SLC35E3: variants seen among roughly 807,000 people sequenced by gnomAD.
SLC35E3 encodes the protein bladder cancer-overexpressed gene 1 protein.
SLC35E3 carries 28 observed loss-of-function variants against 30.8 expected under a neutral mutation model. That is an observed-to-expected ratio of 0.91 (90% CI 0.67 to 1.25). SLC35E3 has a LOEUF of 1.25. Ranked by LOEUF, SLC35E3 falls within the 50% of genes most tolerant of loss-of-function variation. SLC35E3 has a pLI of 0.00. For missense variants in SLC35E3, 365 were observed against 375.4 expected, an observed-to-expected ratio of 0.97 and a Z score of 0.23; for synonymous variants, 146 against 149.2, an observed-to-expected ratio of 0.98 and a Z score of 0.16.
intron 2 of SLC35E3, among the ~76,000 whole-genome samples, chr12:68,751,252 A>G (rs999745594): frequency 2.5e-4 from 37 of 150,952 alleles, no homozygotes; most frequent in African/African-American, 8.8e-4. Flanking sequence ...ACCATCTCTA[A>G]CCTGCCCCCA....
chr12:68,749,164 A>G (rs1018605944), intron 2 of SLC35E3, among the ~76,000 whole-genome samples: 4 of 152,214 alleles, frequency 2.6e-5, no homozygotes, highest in Non-Finnish European at 5.9e-5. Context: ...TTGTTCACAC[A>G]AGTCTCAAAA....
rs1211977440 is a variant in SLC35E3, at chr12:68,772,279, C to T, written c.*7389C>T. The T allele has an allele frequency of 6.6e-6, 1 of 152,122 alleles. No individual in the cohort carries two copies. The highest frequency in any genetic ancestry group is 1.5e-5 in the Non-Finnish European group (1 of 68,038). 9.4% of individuals were successfully genotyped at this position (152,122 alleles called of 1,614,324 possible). On this transcript the variant is annotated 3_prime_UTR_variant, in exon 5 of 5. Coordinates refer to ENST00000398004, the MANE Select transcript of SLC35E3 (RefSeq NM_018656.5). ...TCTTGAACTCCTGACCTCAGGTACT[C>T]CGCCCACCTCAGCCTCCCAAAGTGC...
rs1004010119 is a variant in SLC35E3, at chr12:68,773,275, G to C, written c.*8385G>C. The C allele has an allele frequency of 2.0e-5, 3 of 152,210 alleles. No individual in the cohort carries two copies. The highest frequency in any genetic ancestry group is 4.4e-5 in the Non-Finnish European group (3 of 68,074). The allele number at this position is 152,210 out of a possible 1,614,324, so 9.4% of individuals were successfully genotyped here. On this transcript the variant is annotated 3_prime_UTR_variant, in exon 5 of 5. Transcript: ENST00000398004. Reference sequence around the variant, plus strand: ...GGATGGGTGGGCCTTAATTCAGGAGGTGGGAGGCTCAAAATCAATTACTCT... The same window carrying C: ...GGATGGGTGGGCCTTAATTCAGGAGCTGGGAGGCTCAAAATCAATTACTCT...
chr12:68,753,557 T>C (rs1249890290), intron 3 of SLC35E3, among the ~76,000 whole-genome samples: 1 of 152,106 alleles, frequency 6.6e-6, no homozygotes, highest in Non-Finnish European at 1.5e-5. Flanking sequence ...TGAGGATCAT[T>C]TCATGGATCT....
chr12:68,774,864 G>A lies in SLC35E3; in HGVS notation c.*9974G>A, dbSNP rs371051080. 4.1e-5 allele frequency: 6 copies of A among 146,844 alleles called. No individual in the cohort carries two copies. In the South Asian group the frequency reaches 1.1e-3, roughly 27 times the overall value. 9.1% of individuals were successfully genotyped at this position (146,844 alleles called of 1,614,324 possible). On this transcript the variant is annotated 3_prime_UTR_variant, in exon 5 of 5. Coordinates refer to ENST00000398004, the MANE Select transcript of SLC35E3 (RefSeq NM_018656.5). The stretch of plus-strand genomic sequence containing the variant: ...GATAAAATAAAAGAAATTGGGTCTT[G>A]TGGCCAGGTGCGGTGGCTCACGCAT...
At chr12:68,750,419 G>A (rs1878745840) in intron 2 of SLC35E3, among the ~76,000 whole-genome samples, 1 of 152,224 alleles carries the variant, frequency 6.6e-6, no homozygotes, top group Non-Finnish European at 1.5e-5. Context: ...AAACTGTTAA[G>A]TGCAGGAGGC....
At position 68,781,240 on chromosome 12, in the gene SLC35E3, G is replaced by T. The variant is rs927813404; in HGVS notation, c.*16350G>T. The T allele has an allele frequency of 6.6e-6, 1 of 152,174 alleles. No individual in the cohort carries two copies. The highest frequency in any genetic ancestry group is 2.4e-5 in the African/African-American group (1 of 41,432). The allele number at this position is 152,174 out of a possible 1,614,324, so 9.4% of individuals were successfully genotyped here. On this transcript the variant is annotated 3_prime_UTR_variant, in exon 5 of 5. Coordinates refer to ENST00000398004, the MANE Select transcript of SLC35E3 (RefSeq NM_018656.5). ...TCATTGTAAATTTGGCAAAGTATTT[G>T]TAATTAGGAATATCTGTCATACTGG...
rs1000602571 is a variant in SLC35E3, at chr12:68,765,738, T to C, written c.*848T>C. ...CCCATATATATGTGGGATATATATA[T>C]ATATATATATGGATATGGTTATATA... On this transcript the variant is annotated 3_prime_UTR_variant, in exon 5 of 5. Coordinates refer to ENST00000398004, the MANE Select transcript of SLC35E3 (RefSeq NM_018656.5). 1.3e-5 allele frequency: 2 copies of C among 151,260 alleles called. No individual in the cohort carries two copies. The highest frequency in any genetic ancestry group is 2.9e-5 in the Non-Finnish European group (2 of 67,890). 9.4% of individuals were successfully genotyped at this position (151,260 alleles called of 1,614,324 possible).
At chr12:68,758,924 G>A (rs1050652642) in intron 3 of SLC35E3, among the ~76,000 whole-genome samples, 3 of 151,700 alleles carry the variant, frequency 2.0e-5, no homozygotes, top group African/African-American at 7.3e-5. Flanking sequence ...TATATTTTTA[G>A]TAGAGATGGG....
At chr12:68,752,254 A>G in intron 3 of SLC35E3, 64 bp downstream of exon 3, 1 of 1,444,054 alleles carries the variant, frequency 6.9e-7, no homozygotes, top group Non-Finnish European at 9.3e-7. Context: ...TTATTAATGT[A>G]ATTTTTAGTT....
intron 3 of SLC35E3, 127 bp downstream of exon 3, chr12:68,752,317 A>G (rs750878194): frequency 4.1e-5 from 40 of 980,220 alleles, no homozygotes; most frequent in Non-Finnish European, 5.8e-5. Context: ...AATCACCATA[A>G]AAGGAGGTAA....
In SLC35E3 at chr12:68,773,179, A is replaced by T. The variant is rs1220085455; in HGVS notation, c.*8289A>T. The T allele has an allele frequency of 6.6e-6, 1 of 152,260 alleles. No homozygotes were observed. The highest frequency in any genetic ancestry group is 1.5e-5 in the Non-Finnish European group (1 of 68,054). The allele number at this position is 152,260 out of a possible 1,614,324, so 9.4% of individuals were successfully genotyped here. ...TAGCTACAATAAAGTGTCGTCTTGG[A>T]GTCTGTTGTACATTTAAGAATAAAC... On this transcript the variant is annotated 3_prime_UTR_variant, in exon 5 of 5. Transcript: ENST00000398004.
intron 2 of SLC35E3, among the ~76,000 whole-genome samples, chr12:68,750,330 G>A (rs1008906590): frequency 6.6e-6 from 1 of 152,224 alleles, no homozygotes; most frequent in African/African-American, 2.4e-5. Flanking sequence ...CAAGCGATGA[G>A]GGAAGAGCAG....
intron 3 of SLC35E3, among the ~76,000 whole-genome samples, chr12:68,757,230 A>G (rs1450635019): frequency 6.6e-6 from 1 of 152,188 alleles, no homozygotes; most frequent in African/African-American, 2.4e-5. Context: ...GAACAAGACA[A>G]GGATGCCCAC....
chr12:68,762,219 A>C (rs537505857), intron 4 of SLC35E3, among the ~76,000 whole-genome samples: 4 of 152,204 alleles, frequency 2.6e-5, no homozygotes, highest in Admixed American at 1.3e-4. Context: ...CTGTGGTTTA[A>C]AGTGATGAGA....
rs143883669 is a variant in SLC35E3 at position 68,779,317 on chromosome 12, T to A, written c.*14427T>A. 1.0e-3 allele frequency: 158 copies of A among 152,336 alleles called. 1 individual carries two copies. The highest frequency in any genetic ancestry group is 3.8e-3 in the African/African-American group (156 of 41,584). The allele number at this position is 152,336 out of a possible 1,614,324, so 9.4% of individuals were successfully genotyped here. On this transcript the variant is annotated 3_prime_UTR_variant, in exon 5 of 5. Coordinates refer to ENST00000398004, the MANE Select transcript of SLC35E3 (RefSeq NM_018656.5). ...TAGGTTTTAAATGAAAAGATTTTTG[T>A]TTTCTGTACATTTATTTAAATTTAA...
rs1222984567 is a variant in SLC35E3 at position 68,781,386 on chromosome 12, T to C, written c.*16496T>C. 6.6e-6 allele frequency: 1 copy of C among 152,236 alleles called. No individual in the cohort carries two copies. The highest frequency in any genetic ancestry group is 1.9e-4 in the East Asian group (1 of 5,204). The allele number at this position is 152,236 out of a possible 1,614,324, so 9.4% of individuals were successfully genotyped here. On this transcript the variant is annotated 3_prime_UTR_variant, in exon 5 of 5. Transcript: ENST00000398004. ...TGAATAAAACCTTTATAGCTACAAT[T>C]ATAACAGGATTGTTTCTACATTTTA... is the stretch of plus-strand genomic sequence containing the variant.
At chr12:68,763,786 T>G (rs1180129554) in intron 4 of SLC35E3, among the ~76,000 whole-genome samples, 1 of 152,238 alleles carries the variant, frequency 6.6e-6, no homozygotes, top group Non-Finnish European at 1.5e-5. Flanking sequence ...GGCATGTTAC[T>G]GGCAGTATTT....
At chr12:68,751,301 GTT>G (rs71436076) in intron 2 of SLC35E3, among the ~76,000 whole-genome samples, 1 of 140,450 alleles carries the variant, frequency 7.1e-6, no homozygotes, top group Non-Finnish European at 1.6e-5. Context: ...CTCTGTCTTT[GTT>G]TTTTTTTTTT....
Sources: gnomAD v4.1 joint callset for allele counts (sites outside exome capture counted in the v4.1 genomes callset) on GRCh38, gnomAD v4.1.1 for gene constraint, MANE v1.5 for transcripts, NCBI Gene and HGNC (gene_info 2026-07-23, HGNC 2026-07-21) for gene names.